Variants in TNR observed in about 807,000 individuals in gnomAD.
TNR encodes the protein tenascin-R.
Under a neutral mutation model 150.4 loss-of-function variants are expected in TNR, and 45 were observed. The ratio of observed to expected loss-of-function variants is 0.30; its 90% CI spans 0.24 to 0.38. The LOEUF (loss-of-function observed/expected upper bound fraction) is 0.38. Among genes scored for constraint, TNR ranks in the 10% least tolerant of loss-of-function variants. The pLI is 1.00. For missense variants in TNR, 1,544 were observed against 1,759.1 expected (o/e 0.88, Z 2.19); for synonymous variants, 687 against 678.4 (o/e 1.01, Z -0.20).
chr1:175,510,052 T>A (rs912372554), intron 2 of TNR, among the ~76,000 whole-genome samples: 3 of 151,688 alleles, frequency 2.0e-5, no homozygotes, highest in African/African-American at 7.3e-5. Flanking sequence ...CATGGCAAAA[T>A]CCTGTCTCTA....
chr1:175,479,388 G>A (rs1388318040), intron 2 of TNR, among the ~76,000 whole-genome samples: 1 of 152,184 alleles, frequency 6.6e-6, no homozygotes, highest in Non-Finnish European at 1.5e-5. Flanking sequence ...TATTCCCAGG[G>A]AGAGCCTGAC....
rs547494051 is a variant in TNR at position 175,356,307 on chromosome 1, C to A, written c.3118+12G>T. The A allele has an allele frequency of 6.2e-7, 1 of 1,613,812 alleles. No individual in the cohort carries two copies. Among genetic ancestry groups the A allele is most frequent in the South Asian group, 1.1e-5 (1 of 91,058 alleles). On this transcript the variant is annotated intron_variant, in intron 16 of 22. Transcript: ENST00000367674. ...CCCAGGGATACGGGTATGTAGGTGA[C>A]CATGTACTCACGAGTAGAAAAGTTG...
chr1:175,613,794 T>C (rs751544026), intron 1 of TNR, among the ~76,000 whole-genome samples: 1 of 152,218 alleles, frequency 6.6e-6, no homozygotes, highest in Non-Finnish European at 1.5e-5. Context: ...GCCTCCTGCA[T>C]ATCCAGTCTA....
At position 175,362,802 on chromosome 1, in the gene TNR, T is replaced by C; in HGVS notation, c.2715A>G (p.Arg905=). ...TGTTGGGCACCACTGAGCTGTCTAG[T>C]CGTCCCACTGGAGAAGAGAAGAATC... The part of the protein sequence containing the change: ...RVSYRPTQVG[R]LDSSVVPNTV... The change falls in exon 14 of 23, where the codon CGA becomes CGG. Residue 905 remains arginine (R), a synonymous_variant. Transcript: ENST00000367674. The C allele has an allele frequency of 1.9e-6, 3 of 1,614,080 alleles. No homozygotes were observed. The highest frequency in any genetic ancestry group is 2.2e-5 in the East Asian group (1 of 44,862).
chr1:175,371,191 ATC>A (rs886812448), intron 9 of TNR, among the ~76,000 whole-genome samples: 1 of 152,092 alleles, frequency 6.6e-6, no homozygotes, highest in Admixed American at 6.5e-5. Context: ...TGCCCCCTTT[ATC>A]TCTCCATCCA....
At chr1:175,708,487 C>T (rs1003225436) in intron 1 of TNR, among the ~76,000 whole-genome samples, 4 of 152,154 alleles carry the variant, frequency 2.6e-5, no homozygotes, top group Admixed American at 1.3e-4. Context: ...AGTATATCCT[C>T]GCACTTTATG....
At chr1:175,562,790 C>T (rs957299354) in intron 1 of TNR, among the ~76,000 whole-genome samples, 20 of 152,210 alleles carry the variant, frequency 1.3e-4, no homozygotes, top group African/African-American at 4.8e-4. Context: ...GTTTTAGCTG[C>T]TGTCATGAGC....
intron 15 of TNR, among the ~76,000 whole-genome samples, chr1:175,358,921 C>T (rs182785264): frequency 6.6e-6 from 1 of 152,168 alleles, no homozygotes; most frequent in Admixed American, 6.5e-5. Context: ...GGTCCTATAT[C>T]TTCAGTGTTT....
intron 2 of TNR, among the ~76,000 whole-genome samples, chr1:175,517,747 C>G (rs992648524): frequency 5.9e-5 from 9 of 152,204 alleles, no homozygotes; most frequent in African/African-American, 1.9e-4. Flanking sequence ...CTTCCTTGCA[C>G]AGATGATAAG....
At chr1:175,455,196 C>T (rs1028630694) in intron 2 of TNR, among the ~76,000 whole-genome samples, 10 of 152,182 alleles carry the variant, frequency 6.6e-5, no homozygotes, top group East Asian at 1.9e-4. Flanking sequence ...CCCGAGCCTC[C>T]GGCCATTCTA....
rs1210435017 is a variant in TNR at position 175,319,311 on chromosome 1, C to G, written c.*4046G>C. ...TGTTCTTGCATGTTCTGTCTTTTCT[C>G]CAGAGGAGAGGACAAAGAGGAACTC... On this transcript the variant is annotated 3_prime_UTR_variant, in exon 23 of 23. Coordinates refer to ENST00000367674, the MANE Select transcript of TNR (RefSeq NM_003285.3). 2 of 152,156 alleles carry G rather than the reference C, an allele frequency of 1.3e-5. No individual in the cohort carries two copies. The highest frequency in any genetic ancestry group is 2.9e-5 in the Non-Finnish European group (2 of 68,024). The allele number at this position is 152,156 out of a possible 1,614,324, so 9.4% of individuals were successfully genotyped here. A position where few individuals can be genotyped will look rare whatever the true frequency, so the allele number is the denominator to read the frequency against.
intron 1 of TNR, among the ~76,000 whole-genome samples, chr1:175,665,664 T>TA (rs1665514296): frequency 2.0e-5 from 3 of 152,256 alleles, no homozygotes; most frequent in African/African-American, 7.2e-5. Flanking sequence ...CTTAGTCTTT[T>TA]ACTTGCTTAT....
intron 1 of TNR, among the ~76,000 whole-genome samples, chr1:175,688,488 G>A (rs761099979): frequency 1.3e-5 from 2 of 152,216 alleles, no homozygotes; most frequent in Non-Finnish European, 2.9e-5. Flanking sequence ...GAACAAATGA[G>A]GAAGAGAATG....
rs372172451 is a variant in TNR, at chr1:175,403,374, C to G, written c.742G>C (p.Gly248Arg). ...DCSSRGLCVD[G>R]ECVCEEPYTG... ...TAGGGCTCTTCACAGACACACTCCCCGTCCACGCAGAGCCCCCGGGAGCTG... is the reference window on the plus strand; with the variant it reads ...TAGGGCTCTTCACAGACACACTCCCGGTCCACGCAGAGCCCCCGGGAGCTG... Residue 248 changes from glycine to arginine, a missense_variant, in exon 4 of 23, where the codon GGG (glycine) becomes CGG (arginine). Physicochemically the swap from Gly to Arg is moderately radical, Grantham distance 125 (BLOSUM62 -2). This residue lies in a region of TNR where 1,254 missense variants were observed against 1,329.4 expected (regional missense o/e 0.94). Coordinates refer to ENST00000367674, the MANE Select transcript of TNR (RefSeq NM_003285.3). 8.7e-6 allele frequency: 14 copies of G among 1,614,030 alleles called. No homozygotes were observed. The highest frequency in any genetic ancestry group is 1.2e-5 in the Non-Finnish European group (14 of 1,180,036).
At chr1:175,580,859 G>A (rs1367606281) in intron 1 of TNR, among the ~76,000 whole-genome samples, 2 of 151,988 alleles carry the variant, frequency 1.3e-5, no homozygotes, top group Non-Finnish European at 2.9e-5. Flanking sequence ...TCTCAATATT[G>A]TCTTTCCATT....
chr1:175,412,202 A>G (rs1019771836), intron 2 of TNR, among the ~76,000 whole-genome samples: 1 of 152,202 alleles, frequency 6.6e-6, no homozygotes, highest in African/African-American at 2.4e-5. Flanking sequence ...GATTTTGCTG[A>G]CCATGGTCTG....
At chr1:175,682,041 G>T (rs1288417151) in intron 1 of TNR, among the ~76,000 whole-genome samples, 1 of 152,104 alleles carries the variant, frequency 6.6e-6, no homozygotes, top group African/African-American at 2.4e-5. Flanking sequence ...TGTCATCAGA[G>T]ATGGTTCCTG....
chr1:175,717,561 C>T (rs984689006), intron 1 of TNR, among the ~76,000 whole-genome samples: 11 of 152,110 alleles, frequency 7.2e-5, no homozygotes, highest in African/African-American at 1.2e-4. Context: ...TGAATAAAGG[C>T]GTGAATATAT....
chr1:175,395,722 G>T (rs1653395735), intron 5 of TNR, among the ~76,000 whole-genome samples: 3 of 152,286 alleles, frequency 2.0e-5, no homozygotes, highest in East Asian at 1.9e-4. Flanking sequence ...ATCAATTTAA[G>T]AATTCAGAGG....
Sources: gnomAD v4.1 joint callset for allele counts (sites outside exome capture counted in the v4.1 genomes callset) on GRCh38, gnomAD v4.1.1 for gene constraint, gnomAD v4.1.1 regional missense constraint, MANE v1.5 for transcripts, NCBI Gene and HGNC (gene_info 2026-07-23, HGNC 2026-07-21) for gene names.